MAPK10: variants seen among roughly 807,000 people sequenced by gnomAD.
MAPK10 encodes the protein mitogen-activated protein kinase 10.
MAPK10 carries 25 observed loss-of-function variants against 59.3 expected under a neutral mutation model. That is an observed-to-expected ratio of 0.42 (90% CI 0.31 to 0.59). MAPK10 has a LOEUF of 0.59. MAPK10 is among the 20% of genes least tolerant of loss of function. MAPK10 has a pLI of 0.15. For missense variants in MAPK10, 351 were observed against 568.9 expected (o/e 0.62, Z 3.90); for synonymous variants, 190 against 200.5 (o/e 0.95, Z 0.44).
At chr4:86,276,936 T>C (rs1025598987) in intron 2 of MAPK10, 2 of 152,108 alleles carry the variant, frequency 1.3e-5, no homozygotes. Flanking sequence ...CCCTTAACCA[T>C]TGCTATAAAC....
chr4:86,144,183 A>G (rs143585994), intron 4 of MAPK10, among the ~76,000 whole-genome samples: 1 of 152,282 alleles, frequency 6.6e-6, no homozygotes, highest in African/African-American at 2.4e-5. Flanking sequence ...TGATTTAAGT[A>G]AAACATTAAA....
intron 2 of MAPK10, among the ~76,000 whole-genome samples, chr4:86,259,405 CAT>C (rs1180326870): frequency 6.6e-6 from 1 of 152,092 alleles, no homozygotes; most frequent in Non-Finnish European, 1.5e-5. Flanking sequence ...CTTTCACTCA[CAT>C]GATTGTAACC....
chr4:86,060,250 A>T (rs1407631233), intron 11 of MAPK10, among the ~76,000 whole-genome samples: 1 of 151,984 alleles, frequency 6.6e-6, no homozygotes, highest in Non-Finnish European at 1.5e-5. Context: ...TTGAGTTTTG[A>T]TGTACTTGGT....
At chr4:86,169,404 C>T (rs1365039960) in intron 3 of MAPK10, among the ~76,000 whole-genome samples, 3 of 152,082 alleles carry the variant, frequency 2.0e-5, no homozygotes, top group African/African-American at 7.2e-5. Context: ...GGCTCCAGAA[C>T]TACGTGAAGA....
At chr4:86,153,810 A>AT in intron 4 of MAPK10, among the ~76,000 whole-genome samples, 2 of 152,282 alleles carry the variant, frequency 1.3e-5, no homozygotes, top group African/African-American at 4.8e-5. Context: ...ATTCTGTCCT[A>AT]TTCTGCTGGG....
intron 2 of MAPK10, among the ~76,000 whole-genome samples, chr4:86,198,887 C>T (rs1211716027): frequency 6.6e-6 from 1 of 151,504 alleles, no homozygotes; most frequent in African/African-American, 2.4e-5. Flanking sequence ...AGACAAAGGA[C>T]CAATATATAA....
At chr4:86,205,413 G>T (rs968812568) in intron 2 of MAPK10, among the ~76,000 whole-genome samples, 1 of 151,924 alleles carries the variant, frequency 6.6e-6, no homozygotes, top group African/African-American at 2.4e-5. Context: ...TTTAACACAT[G>T]TAAGTATCTC....
rs574170396 is a variant in MAPK10 at position 86,280,800 on chromosome 4, T to C, written c.-7+73730A>G. The stretch of plus-strand genomic sequence containing the variant: ...CAAAATCGTGTCCTTTGCAGCAACA[T>C]AGATGCAACCAGAGGCCACTATCCT... On this transcript the variant is annotated intron_variant, in intron 2 of 13. Transcript: ENST00000641462. Among the ~76,000 whole-genome samples, 14 of 152,214 alleles carry C rather than the reference T, an allele frequency of 9.2e-5. No individual in the cohort carries two copies. In the South Asian group the frequency reaches 2.3e-3, roughly 25 times the overall value.
intron 2 of MAPK10, chr4:86,352,054 T>A (rs1254708834): frequency 6.6e-6 from 1 of 152,186 alleles, no homozygotes; most frequent in East Asian, 1.9e-4. Context: ...GTAAATCAAG[T>A]GTTGGTGAGA....
intron 1 of MAPK10, among the ~76,000 whole-genome samples, chr4:86,482,359 A>C (rs183684234): frequency 1.5e-4 from 23 of 152,278 alleles, no homozygotes; most frequent in African/African-American, 5.3e-4. Context: ...AACAATAGTC[A>C]GTCCACCAAC....
chr4:86,042,165 A>C (rs561098659), intron 11 of MAPK10, among the ~76,000 whole-genome samples: 3 of 152,354 alleles, frequency 2.0e-5, no homozygotes, highest in Middle Eastern at 6.8e-3. Flanking sequence ...TGTCCTTTGC[A>C]GGGATATGGA....
chr4:86,329,777 GA>G (rs1312364686), intron 2 of MAPK10, among the ~76,000 whole-genome samples: 1 of 151,986 alleles, frequency 6.6e-6, no homozygotes, highest in Non-Finnish European at 1.5e-5. Context: ...TTCCAAAAAT[GA>G]AATCAATTAG....
At chr4:86,440,427 G>A (rs994975892) in intron 1 of MAPK10, among the ~76,000 whole-genome samples, 1 of 152,042 alleles carries the variant, frequency 6.6e-6, no homozygotes, top group African/African-American at 2.4e-5. Context: ...TTGAACCTAG[G>A]AGTTCAAGAT....
intron 3 of MAPK10, among the ~76,000 whole-genome samples, chr4:86,161,801 G>A (rs1258852954): frequency 6.6e-6 from 1 of 152,058 alleles, no homozygotes; most frequent in East Asian, 1.9e-4. Context: ...CATTGGCAAT[G>A]AACTTTGTGT....
At chr4:86,530,672 G>C (rs1358933538) in intron 1 of MAPK10, among the ~76,000 whole-genome samples, 1 of 152,128 alleles carries the variant, frequency 6.6e-6, no homozygotes, top group Non-Finnish European at 1.5e-5. Flanking sequence ...GCTCTCTGGA[G>C]CCTCTGTTTA....
chr4:86,249,412 G>A (rs771466689), intron 2 of MAPK10, among the ~76,000 whole-genome samples: 1 of 152,054 alleles, frequency 6.6e-6, no homozygotes, highest in Non-Finnish European at 1.5e-5. Flanking sequence ...AACAAGTAGG[G>A]GTGGACCTGT....
intron 1 of MAPK10, among the ~76,000 whole-genome samples, chr4:86,472,416 TAC>T (rs1462589877): frequency 5.9e-5 from 9 of 152,012 alleles, no homozygotes; most frequent in African/African-American, 2.2e-4. Flanking sequence ...AAAAAAAAAT[TAC>T]AGACTACAGA....
chr4:86,215,756 G>C (rs527854265), intron 2 of MAPK10, among the ~76,000 whole-genome samples: 6 of 152,246 alleles, frequency 3.9e-5, no homozygotes, highest in African/African-American at 1.2e-4. Context: ...CAGCTACTCA[G>C]GAGGCTGGGG....
chr4:86,050,523 C>T (rs1477645204), intron 11 of MAPK10, among the ~76,000 whole-genome samples: 1 of 152,110 alleles, frequency 6.6e-6, no homozygotes, highest in Non-Finnish European at 1.5e-5. Context: ...CACTCTGTAA[C>T]TCTTGGTCCT....
Sources: gnomAD v4.1 joint callset for allele counts (sites outside exome capture counted in the v4.1 genomes callset) on GRCh38, gnomAD v4.1.1 for gene constraint, MANE v1.5 for transcripts, NCBI Gene and HGNC (gene_info 2026-07-23, HGNC 2026-07-21) for gene names.